Variants in CYRIB observed in about 807,000 individuals in gnomAD.
CYRIB encodes CYFIP-related Rac1 interactor B.
A neutral mutation model predicts 44.2 loss-of-function variants in CYRIB; 8 were observed. The observed-to-expected ratio is 0.18, with a 90% confidence interval of 0.11 to 0.33. The LOEUF (loss-of-function observed/expected upper bound fraction) is 0.33. Ranked by LOEUF, CYRIB falls within the 10% of genes least tolerant of loss-of-function variation. The probability of loss-of-function intolerance (pLI) is 1.00; values close to 1 mark genes in which losing one functional copy is unlikely to be tolerated. For missense variants in CYRIB, 185 were observed against 382.8 expected, an observed-to-expected ratio of 0.48 and a Z score of 4.31; for synonymous variants, 131 against 127.2, an observed-to-expected ratio of 1.03 and a Z score of -0.20.
At chr8:129,977,754 G>T (rs374134706) in intron 1 of CYRIB, among the ~76,000 whole-genome samples, 5 of 151,972 alleles carry the variant, frequency 3.3e-5, no homozygotes, top group East Asian at 1.9e-4. Flanking sequence ...GGATGGTCTC[G>T]ATCTCCTGAC....
chr8:129,974,875 C>A (rs1001171444), intron 1 of CYRIB, among the ~76,000 whole-genome samples: 31 of 150,366 alleles, frequency 2.1e-4, no homozygotes, highest in African/African-American at 5.9e-4. Context: ...CACGTGCCAC[C>A]ACACCCAGAT....
intron 1 of CYRIB, among the ~76,000 whole-genome samples, chr8:130,005,305 G>T (rs944398274): frequency 6.6e-6 from 1 of 152,142 alleles, no homozygotes; most frequent in Non-Finnish European, 1.5e-5. Flanking sequence ...CCAGGACCCA[G>T]GCTGGTGGGT....
chr8:129,899,661 A>G (rs1301517295), intron 2 of CYRIB, among the ~76,000 whole-genome samples: 1 of 152,256 alleles, frequency 6.6e-6, no homozygotes, highest in Non-Finnish European at 1.5e-5. Flanking sequence ...AGGAATATGC[A>G]TAACATAGTA....
intron 1 of CYRIB, among the ~76,000 whole-genome samples, chr8:129,929,388 C>T (rs1043183577): frequency 3.3e-5 from 5 of 151,998 alleles, no homozygotes; most frequent in African/African-American, 7.3e-5. Context: ...AAGATGAATA[C>T]GATTTCAAGG....
intron 1 of CYRIB, among the ~76,000 whole-genome samples, chr8:130,011,584 G>A (rs533663583): frequency 2.0e-5 from 3 of 152,166 alleles, no homozygotes; most frequent in South Asian, 2.1e-4. Flanking sequence ...TTGGGAGGCC[G>A]AGGCGGGCGG....
intron 2 of CYRIB, among the ~76,000 whole-genome samples, chr8:129,886,476 C>T (rs1377302267): frequency 2.0e-5 from 3 of 152,060 alleles, no homozygotes; most frequent in Non-Finnish European, 2.9e-5. Context: ...CAGAAATGTA[C>T]CTTGATTCTA....
In CYRIB at chr8:129,891,683, G is replaced by C. The variant is rs116866740; in HGVS notation, c.-11+11629C>G. ...TATAACAATGGATTAAAAATTGGGAGACTTGATTTCTAGTCCTGACTCTAT... is the reference window on the plus strand; with the variant it reads ...TATAACAATGGATTAAAAATTGGGACACTTGATTTCTAGTCCTGACTCTAT... On this transcript the variant is annotated intron_variant, in intron 2 of 11. Coordinates refer to ENST00000519824, the Ensembl canonical transcript of CYRIB. Among the ~76,000 whole-genome samples the C allele has an allele frequency of 5.0e-3, 758 of 152,332 alleles. 6 individuals carry two copies. The highest frequency in any genetic ancestry group is 7.2e-3 in the Non-Finnish European group (492 of 68,038).
intron 1 of CYRIB, among the ~76,000 whole-genome samples, chr8:130,013,959 G>C (rs2097284467): frequency 1.3e-5 from 2 of 152,324 alleles, no homozygotes; most frequent in Admixed American, 6.5e-5. Flanking sequence ...GAAGCACAAA[G>C]ACCACTCAGC....
exon 11 of CYRIB, chr8:129,846,853 G>A (rs761878742): frequency 6.3e-7 from 1 of 1,592,302 alleles, no homozygotes; most frequent in Non-Finnish European, 8.5e-7. Flanking sequence ...TGGTCCTTAA[G>A]AACTTTGATA....
chr8:129,993,113 G>A (rs927237882), intron 1 of CYRIB, among the ~76,000 whole-genome samples: 1 of 152,148 alleles, frequency 6.6e-6, no homozygotes, highest in Non-Finnish European at 1.5e-5. Context: ...CTTCCCCACC[G>A]GGCACGGTGG....
chr8:129,862,362 T>A (rs1564253446), intron 4 of CYRIB, 28 bp from the exon 7 acceptor site: 4 of 1,531,746 alleles, frequency 2.6e-6, no homozygotes, highest in Non-Finnish European at 3.6e-6. Context: ...TAAAAATAGT[T>A]AGAGTTAAAA....
chr8:129,960,845 G>A (rs1464203029), intron 2 of CYRIB, among the ~76,000 whole-genome samples: 1 of 149,706 alleles, frequency 6.7e-6, no homozygotes, highest in African/African-American at 2.5e-5. Context: ...CAGCTCTCAG[G>A]AGGCTGAAGC....
intron 1 of CYRIB, among the ~76,000 whole-genome samples, chr8:129,931,652 A>AGG (rs1197179281): frequency 6.6e-6 from 1 of 152,080 alleles, no homozygotes; most frequent in Non-Finnish European, 1.5e-5. Context: ...TTTGAGACAG[A>AGG]GTCTCCCTCT....
At position 129,997,851 on chromosome 8, in the gene CYRIB, A is replaced by C. The variant is rs553613697; in HGVS notation, c.-296+18519T>G. On this transcript the variant is annotated intron_variant, in intron 1 of 14. Transcript: ENST00000401979. ...AGAAGCTCAGAAACAGGCCAGGCGCAGTGGCTCACGCCTGTAATCACAGCA... is the reference window on the plus strand; with the variant it reads ...AGAAGCTCAGAAACAGGCCAGGCGCCGTGGCTCACGCCTGTAATCACAGCA... Among the ~76,000 whole-genome samples, 168 of 152,264 alleles carry C rather than the reference A, an allele frequency of 1.1e-3. 2 individuals are homozygous for C. Among genetic ancestry groups the C allele is most frequent in the African/African-American group, 3.8e-3 (159 of 41,562 alleles).
In CYRIB at chr8:129,932,417, C is replaced by G. The variant is rs537173566; in HGVS notation, c.-50+7191G>C. On this transcript the variant is annotated intron_variant, in intron 1 of 11. Coordinates refer to ENST00000519824, the Ensembl canonical transcript of CYRIB. ...GTATTCCTCCAGAGCAAAGGGCAGG[C>G]GTGCTTATTGCTCATTAGAAAAGAT... 3.3e-5 allele frequency among the ~76,000 whole-genome samples: 5 copies of G among 152,204 alleles called. No individual in the cohort carries two copies. The East Asian group carries it at 7.7e-4, about 23-fold the overall frequency.
intron 1 of CYRIB, among the ~76,000 whole-genome samples, chr8:129,997,310 T>C (rs1319745272): frequency 1.3e-5 from 2 of 152,116 alleles, no homozygotes; most frequent in Non-Finnish European, 2.9e-5. Context: ...CCTTTCAATA[T>C]CCACAGTAGA....
chr8:130,016,463 G>C (rs2097350198), upstream of CYRIB: 1 of 151,464 alleles, frequency 6.6e-6, no homozygotes, highest in Non-Finnish European at 1.5e-5. Flanking sequence ...CGGGTTGGCG[G>C]GGCTCACGTC....
At position 129,971,027 on chromosome 8, in the gene CYRIB, G is replaced by A. The variant is rs2095667921; in HGVS notation, c.-295-32C>T. 2.0e-5 allele frequency: 3 copies of A among 152,206 alleles called. No individual in the cohort carries two copies. The East Asian group carries it at 5.8e-4, about 29-fold the overall frequency. 9.4% of individuals were successfully genotyped at this position (152,206 alleles called of 1,614,324 possible). On this transcript the variant is annotated intron_variant, in intron 1 of 14. Transcript: ENST00000401979. ...AAGAGTTATAGCAAGGATTAAGCAA[G>A]TTACAACAGTTCTCAGTACACAGAA...
chr8:129,888,152 T>G (rs370112365), intron 2 of CYRIB, among the ~76,000 whole-genome samples: 7 of 152,276 alleles, frequency 4.6e-5, no homozygotes, highest in South Asian at 4.2e-4. Context: ...GGGAGTGGAC[T>G]TCCCCCTTGC....
Sources: allele counts gnomAD v4.1 joint callset (sites outside exome capture counted in the v4.1 genomes callset), GRCh38; gene constraint gnomAD v4.1.1; transcripts MANE v1.5; gene names NCBI Gene and HGNC (gene_info 2026-07-23, HGNC 2026-07-21).